The following DNAH2 variants were observed in gnomAD, a reference collection of about 807,000 sequenced individuals.
DNAH2 encodes dynein axonemal heavy chain 2, also known as axonemal beta dynein heavy chain 2.
In DNAH2, 323 loss-of-function variants were observed where a neutral mutation model predicts 523.5. The ratio of observed to expected loss-of-function variants is 0.62; its 90% CI spans 0.56 to 0.68. The LOEUF (loss-of-function observed/expected upper bound fraction) is 0.68, where lower values mean the gene tolerates loss of function less well. DNAH2 is among the 30% of genes least tolerant of loss of function. DNAH2 has a pLI of 0.00. For missense variants in DNAH2, 4,907 were observed against 5,701.5 expected (o/e 0.86, Z 4.49); for synonymous variants, 2,093 against 2,177.4 (o/e 0.96, Z 1.08).
chr17:7,793,486 T>G (rs530462324), intron 48 of DNAH2, among the ~76,000 whole-genome samples: 2 of 136,044 alleles, frequency 1.5e-5, no homozygotes, highest in African/African-American at 5.1e-5. Flanking sequence ...TTTCTTTCTT[T>G]CTTTCTTTCT....
At chr17:7,727,010 T>G (rs996101364) in intron 3 of DNAH2, 112 bp from the exon 4 acceptor site, 5 of 1,219,456 alleles carry the variant, frequency 4.1e-6, no homozygotes, top group Non-Finnish European at 4.4e-6. Flanking sequence ...CTAACCATTC[T>G]GAACCTGTCT....
chr17:7,780,924 C>G lies in DNAH2; in HGVS notation c.6004-118C>G. The G allele has an allele frequency of 6.3e-7, 1 of 1,584,792 alleles. No homozygotes were observed. Among genetic ancestry groups the G allele is most frequent in the Non-Finnish European group, 8.6e-7 (1 of 1,162,488 alleles). ...CGTCCCATCCCCGTGTTGCCCGCTG[C>G]TTTGCTAATGGCTAACTGGTGTATC... On this transcript the variant is annotated intron_variant, in intron 38 of 85. Transcript: ENST00000572933. This position sits in a 1 kb window ranked among gnomAD's most constrained non-coding sequence, Gnocchi z 4.4.
intron 5 of DNAH2, among the ~76,000 whole-genome samples, chr17:7,733,948 G>A (rs369581410): frequency 3.9e-5 from 6 of 152,134 alleles, no homozygotes; most frequent in African/African-American, 9.7e-5. Flanking sequence ...TGTTGAAGGC[G>A]CGATACAGAT....
At chr17:7,722,225 G>A (rs1385614629) in intron 2 of DNAH2, among the ~76,000 whole-genome samples, 1 of 151,502 alleles carries the variant, frequency 6.6e-6, no homozygotes, top group East Asian at 1.9e-4. Context: ...GGCTGGTCTC[G>A]AACGCCTGAC....
chr17:7,744,226 G>A (rs1027587584), intron 12 of DNAH2, among the ~76,000 whole-genome samples: 1 of 150,778 alleles, frequency 6.6e-6, no homozygotes, highest in Admixed American at 6.6e-5. Flanking sequence ...CCCGGGAGGC[G>A]GAGGTTGCAG....
chr17:7,745,769 G>A (rs1182723643), intron 12 of DNAH2, among the ~76,000 whole-genome samples: 1 of 139,000 alleles, frequency 7.2e-6, no homozygotes, highest in Non-Finnish European at 1.5e-5. Context: ...TAGCCTGGGC[G>A]ACAAAGCCAG....
At chr17:7,721,793 G>T (rs550551749) in intron 2 of DNAH2, among the ~76,000 whole-genome samples, 32 of 152,286 alleles carry the variant, frequency 2.1e-4, no homozygotes, top group East Asian at 1.9e-3. Context: ...AAACAGAGCC[G>T]CTGGGTTTTA....
In DNAH2 at chr17:7,787,922, C is replaced by G; in HGVS notation, c.6666C>G (p.Cys2222Trp). Residue 2222 changes from cysteine to tryptophan, a missense_variant, in exon 43 of 86, where the codon TGC (cysteine) becomes TGG (tryptophan). By Grantham distance (215) the Cys-to-Trp change is radical (BLOSUM62 -2). Transcript: ENST00000572933. The stretch of plus-strand genomic sequence containing the variant: ...CCTCTCCGGCCACTGTATCCCGCTG[C>G]GGGATGGTCTACACTGACTACGCTG... ...AMASPATVSRCGMVYTDYADL... is the reference protein window; with the variant it reads ...AMASPATVSRWGMVYTDYADL... 6.2e-7 allele frequency: 1 copy of G among 1,614,124 alleles called. No individual in the cohort carries two copies. Among genetic ancestry groups the G allele is most frequent in the South Asian group, 1.1e-5 (1 of 91,080 alleles).
At chr17:7,800,918 G>C (rs2077205489) in intron 56 of DNAH2, among the ~76,000 whole-genome samples, 1 of 150,064 alleles carries the variant, frequency 6.7e-6, no homozygotes, top group Non-Finnish European at 1.5e-5. Flanking sequence ...TGTTGCCCAG[G>C]CTGGAGTGCA....
At chr17:7,759,306 C>A in intron 15 of DNAH2, 116 bp from the exon 16 acceptor site, 1 of 1,432,556 alleles carries the variant, frequency 7.0e-7, no homozygotes, top group Non-Finnish European at 9.4e-7. Flanking sequence ...CAGGACTCAG[C>A]GTCCTGCGTT....
At chr17:7,741,097 A>G (rs1168881811) in intron 11 of DNAH2, 105 bp downstream of exon 11, 1 of 1,410,066 alleles carries the variant, frequency 7.1e-7, no homozygotes, top group Non-Finnish European at 9.4e-7. Context: ...ACCAGCACCT[A>G]TGTCGGTGAG....
intron 73 of DNAH2, among the ~76,000 whole-genome samples, chr17:7,822,128 G>A (rs925111213): frequency 6.6e-6 from 1 of 152,114 alleles, no homozygotes; most frequent in Non-Finnish European, 1.5e-5. Context: ...GCGCCACCAC[G>A]CCCGGCTAAT....
In DNAH2 at chr17:7,798,142, C is replaced by A; in HGVS notation, c.8231-15C>A. On this transcript the variant is annotated splice_polypyrimidine_tract_variant and intron_variant, in intron 53 of 85. Coordinates refer to ENST00000572933, the MANE Select transcript of DNAH2 (RefSeq NM_020877.5). This position sits in a 1 kb window ranked among gnomAD's most constrained non-coding sequence, Gnocchi z 5.5. The stretch of plus-strand genomic sequence containing the variant: ...CTCAGCCAACTCATTACCCTCACAC[C>A]CACCCCACCCCCAGTCACACGGATC... 1 of 1,576,212 alleles carries A rather than the reference C, an allele frequency of 6.3e-7. No homozygotes were observed. Among genetic ancestry groups the A allele is most frequent in the South Asian group, 1.1e-5 (1 of 87,330 alleles).
rs1237429643 is a variant in DNAH2 at position 7,798,827 on chromosome 17, C to A, written c.8559+109C>A. The A allele has an allele frequency of 2.9e-6, 4 of 1,381,380 alleles. No homozygotes were observed. Among genetic ancestry groups the A allele is most frequent in the Non-Finnish European group, 4.0e-6 (4 of 1,009,302 alleles). 85.6% of individuals were successfully genotyped at this position (1,381,380 alleles called of 1,614,324 possible). A position where few individuals can be genotyped will look rare whatever the true frequency, so the allele number is the denominator to read the frequency against. On this transcript the variant is annotated intron_variant, in intron 55 of 85. Coordinates refer to ENST00000572933, the MANE Select transcript of DNAH2 (RefSeq NM_020877.5). The surrounding 1 kb of genome is among the most constrained non-coding windows in gnomAD (Gnocchi z 5.5). ...CCACTGGCACACCCCCACTGCCACA[C>A]CCCCACTGCCCACCTCAGCCCTGTA...
rs1006605071 is a variant in DNAH2 at position 7,818,466 on chromosome 17, T to C, written c.10536+6T>C. ...ACTTTGCTGTTAAAGAACAGGTGGG[T>C]ACAGGCTGAGGTCCAGACTGAGCTA... On this transcript the variant is annotated splice_donor_region_variant and intron_variant, in intron 69 of 85. Coordinates refer to ENST00000572933, the MANE Select transcript of DNAH2 (RefSeq NM_020877.5). The C allele has an allele frequency of 3.7e-6, 6 of 1,613,968 alleles. No homozygotes were observed. In the African/African-American group the frequency reaches 5.3e-5, roughly 14 times the overall value.
At position 7,780,935 on chromosome 17, in the gene DNAH2, G is replaced by A. The variant is rs2076588495; in HGVS notation, c.6004-107G>A. On this transcript the variant is annotated intron_variant, in intron 38 of 85. Coordinates refer to ENST00000572933, the MANE Select transcript of DNAH2 (RefSeq NM_020877.5). This position sits in a 1 kb window ranked among gnomAD's most constrained non-coding sequence, Gnocchi z 4.4. ...CGTGTTGCCCGCTGCTTTGCTAATG[G>A]CTAACTGGTGTATCCATTGTTCTTG... The A allele has an allele frequency of 6.3e-7, 1 of 1,589,900 alleles. No individual in the cohort carries two copies. Among genetic ancestry groups the A allele is most frequent in the African/African-American group, 1.3e-5 (1 of 74,580 alleles).
At chr17:7,722,964 CTTT>C (rs559136734) in intron 2 of DNAH2, among the ~76,000 whole-genome samples, 17 of 114,692 alleles carry the variant, frequency 1.5e-4, no homozygotes, top group African/African-American at 4.3e-4. Context: ...CTTTTCTTTC[CTTT>C]TTTTTTTTTT....
In DNAH2 at chr17:7,726,014, A is replaced by G. The variant is rs142474371; in HGVS notation, c.229-1108A>G. 1.3e-3 allele frequency among the ~76,000 whole-genome samples: 196 copies of G among 151,402 alleles called. 4 individuals are homozygous for G. Among genetic ancestry groups the G allele is most frequent in the African/African-American group, 1.2e-3 (51 of 41,258 alleles). ...ATTTCCTTTATTTATTTGTTTGTTT[A>G]TTTATTTTTGAGACGGAGTCTTGCT... is the stretch of plus-strand genomic sequence containing the variant. On this transcript the variant is annotated intron_variant, in intron 3 of 85. Coordinates refer to ENST00000572933, the MANE Select transcript of DNAH2 (RefSeq NM_020877.5).
intron 63 of DNAH2, among the ~76,000 whole-genome samples, chr17:7,809,803 G>A (rs1441781312): frequency 1.3e-5 from 2 of 151,064 alleles, no homozygotes; most frequent in Admixed American, 1.3e-4. Context: ...CCTTTTTTAC[G>A]GACAAAGCCT....
Sources: allele counts gnomAD v4.1 joint callset (sites outside exome capture counted in the v4.1 genomes callset), GRCh38; gene constraint gnomAD v4.1.1; non-coding constraint Gnocchi (gnomAD v3.1); transcripts MANE v1.5; gene names NCBI Gene and HGNC (gene_info 2026-07-23, HGNC 2026-07-21).